The following TMEM132D variants were observed in gnomAD, a reference collection of about 807,000 sequenced individuals.
TMEM132D encodes the protein mature OL transmembrane protein.
A neutral mutation model predicts 62.3 loss-of-function variants in TMEM132D; 21 were observed. The observed-to-expected ratio is 0.34, with a 90% CI of 0.24 to 0.49. TMEM132D has a LOEUF of 0.49. TMEM132D is among the 20% of genes least tolerant of loss of function. The pLI is 0.99. For synonymous variants in TMEM132D, 621 were observed against 575.6 expected (o/e 1.08, Z -1.13); for missense variants, 1,346 against 1,402.8 (o/e 0.96, Z 0.65).
At position 129,339,886 on chromosome 12, in the gene TMEM132D, GC is replaced by G. The variant is rs112073900; in HGVS notation, c.1116-2070del. ...ATGTAGCTCATTGTACACAATAACT[GC>G]CCATATGTCCACATCACATTCTACC... On this transcript the variant is annotated intron_variant, in intron 3 of 8. Coordinates refer to ENST00000422113, the MANE Select transcript of TMEM132D (RefSeq NM_133448.3). Among the ~76,000 whole-genome samples the G allele has an allele frequency of 3.3e-4, 50 of 152,266 alleles. 1 individual carries two copies. The highest frequency in any genetic ancestry group is 1.2e-3 in the African/African-American group (48 of 41,556).
intron 7 of TMEM132D, among the ~76,000 whole-genome samples, chr12:129,080,515 C>T (rs1565956779): frequency 6.6e-6 from 1 of 152,198 alleles, no homozygotes; most frequent in Non-Finnish European, 1.5e-5. Flanking sequence ...TTAGATATAC[C>T]AGCCAATTTT....
intron 1 of TMEM132D, among the ~76,000 whole-genome samples, chr12:129,840,788 A>G (rs949090383): frequency 4.6e-5 from 7 of 152,216 alleles, no homozygotes; most frequent in African/African-American, 1.7e-4. Context: ...ATCCTCAAAC[A>G]TCAAACAAGG....
At chr12:129,866,132 G>A (rs893973726) in intron 1 of TMEM132D, among the ~76,000 whole-genome samples, 4 of 152,058 alleles carry the variant, frequency 2.6e-5, no homozygotes, top group African/African-American at 7.2e-5. Context: ...AAAAGGGTTC[G>A]ACATGACTAT....
At chr12:129,712,629 A>G (rs1247155980) in intron 1 of TMEM132D, among the ~76,000 whole-genome samples, 1 of 152,162 alleles carries the variant, frequency 6.6e-6, no homozygotes, top group African/African-American at 2.4e-5. Context: ...TGGCGCTACC[A>G]AGAAACTGAC....
chr12:129,353,488 C>T (rs75145958), intron 3 of TMEM132D, among the ~76,000 whole-genome samples: 1 of 152,108 alleles, frequency 6.6e-6, no homozygotes, highest in Non-Finnish European at 1.5e-5. Flanking sequence ...GCCAGCCCCC[C>T]TCTTCTCCTC....
chr12:129,629,056 G>A (rs1049229784), intron 2 of TMEM132D, among the ~76,000 whole-genome samples: 6 of 151,106 alleles, frequency 4.0e-5, no homozygotes, highest in African/African-American at 1.5e-4. Context: ...CCCTCCATCT[G>A]TATGCCCCTT....
intron 1 of TMEM132D, among the ~76,000 whole-genome samples, chr12:129,900,442 C>A (rs545961499): frequency 7.2e-5 from 11 of 152,204 alleles, no homozygotes; most frequent in African/African-American, 2.7e-4. Flanking sequence ...AGCACGTGCC[C>A]AGCGCCACCC....
chr12:129,523,765 G>C (rs565851475), intron 3 of TMEM132D, among the ~76,000 whole-genome samples: 1 of 152,264 alleles, frequency 6.6e-6, no homozygotes, highest in African/African-American at 2.4e-5. Context: ...TCAGGAAATG[G>C]TGAGTGAGTC....
intron 2 of TMEM132D, among the ~76,000 whole-genome samples, chr12:129,586,416 T>C (rs922969): frequency 3.9e-5 from 6 of 152,206 alleles, no homozygotes; most frequent in Non-Finnish European, 7.3e-5. Flanking sequence ...TCTTAGTCAC[T>C]TTAGGCTGCT....
At chr12:129,826,648 C>A (rs926667767) in intron 1 of TMEM132D, among the ~76,000 whole-genome samples, 1 of 152,142 alleles carries the variant, frequency 6.6e-6, no homozygotes, top group Non-Finnish European at 1.5e-5. Context: ...TGCCCCACAG[C>A]GGAAGGCTAT....
chr12:129,749,997 C>G (rs1434221646), intron 1 of TMEM132D, among the ~76,000 whole-genome samples: 3 of 152,130 alleles, frequency 2.0e-5, no homozygotes, highest in Admixed American at 2.0e-4. Flanking sequence ...AAGATGCATC[C>G]CATCCCCATT....
intron 3 of TMEM132D, among the ~76,000 whole-genome samples, chr12:129,375,841 T>G (rs985666698): frequency 1.3e-5 from 2 of 152,204 alleles, no homozygotes; most frequent in African/African-American, 4.8e-5. Context: ...GGTTCTCAGC[T>G]CACTCAGCAT....
chr12:129,751,652 G>T lies in TMEM132D; in HGVS notation c.80-50954C>A, dbSNP rs539308396. Among the ~76,000 whole-genome samples the T allele has an allele frequency of 2.6e-5, 4 of 152,304 alleles. No individual in the cohort carries two copies. The South Asian group carries it at 8.3e-4, about 32-fold the overall frequency. ...TTGGGGCTCCCCAGCCAAGGTGACA[G>T]ATGTTTTCATTATCACTCTGTGATA... On this transcript the variant is annotated intron_variant, in intron 1 of 8. Coordinates refer to ENST00000422113, the MANE Select transcript of TMEM132D (RefSeq NM_133448.3).
chr12:129,599,010 T>C (rs573062903), intron 2 of TMEM132D, among the ~76,000 whole-genome samples: 4 of 152,336 alleles, frequency 2.6e-5, no homozygotes, highest in Non-Finnish European at 1.5e-5. Context: ...TGAAGGAGTT[T>C]GGAGAGAATC....
intron 4 of TMEM132D, among the ~76,000 whole-genome samples, chr12:129,253,940 T>C (rs1186652861): frequency 1.3e-5 from 2 of 152,162 alleles, no homozygotes; most frequent in African/African-American, 4.8e-5. Flanking sequence ...TGGAAGTCAG[T>C]GAACAACGTA....
chr12:129,304,396 C>G (rs1447912059), intron 4 of TMEM132D, among the ~76,000 whole-genome samples: 1 of 151,754 alleles, frequency 6.6e-6, no homozygotes, highest in Admixed American at 6.6e-5. Context: ...TCCTACAATA[C>G]CATGCAAAGG....
At chr12:129,791,472 C>T (rs1871399622) in intron 1 of TMEM132D, among the ~76,000 whole-genome samples, 1 of 152,164 alleles carries the variant, frequency 6.6e-6, no homozygotes, top group African/African-American at 2.4e-5. Context: ...GAGAATAATA[C>T]AGCTATTCAT....
At chr12:129,171,790 C>T (rs921741064) in intron 5 of TMEM132D, among the ~76,000 whole-genome samples, 1 of 152,170 alleles carries the variant, frequency 6.6e-6, no homozygotes, top group Admixed American at 6.5e-5. Context: ...ATTTAGTAAA[C>T]CATGCTACAA....
chr12:129,082,958 T>TA (rs1385321716), intron 6 of TMEM132D, among the ~76,000 whole-genome samples: 1 of 152,128 alleles, frequency 6.6e-6, no homozygotes, highest in African/African-American at 2.4e-5. Context: ...CTCCTGAGCT[T>TA]AAGCCATCTG....
Sources: gnomAD v4.1 joint callset for allele counts (sites outside exome capture counted in the v4.1 genomes callset) on GRCh38, gnomAD v4.1.1 for gene constraint, MANE v1.5 for transcripts, NCBI Gene and HGNC (gene_info 2026-07-23, HGNC 2026-07-21) for gene names.